The following KLF12 variants were observed in gnomAD, a reference collection of about 807,000 sequenced individuals.
The protein encoded by KLF12 is Krueppel-like factor 12.
A neutral mutation model predicts 37.8 loss-of-function variants in KLF12; 9 were observed. The observed-to-expected ratio is 0.24, with a 90% CI of 0.14 to 0.42. KLF12 has a LOEUF of 0.42. Ranked by LOEUF, KLF12 falls within the 10% of genes least tolerant of loss-of-function variation. KLF12 has a pLI of 1.00. For synonymous variants in KLF12, 208 were observed against 202.1 expected, an observed-to-expected ratio of 1.03 and a Z score of -0.25; for missense variants, 411 against 516.0, an observed-to-expected ratio of 0.80 and a Z score of 1.97.
At chr13:73,885,846 C>T (rs377266695) in intron 3 of KLF12, among the ~76,000 whole-genome samples, 32 of 151,928 alleles carry the variant, frequency 2.1e-4, no homozygotes, top group African/African-American at 7.3e-5. Context: ...GAAGTCTGAG[C>T]GAACAGTTAG....
chr13:73,810,982 C>CCTTTT (rs1555308732), intron 5 of KLF12, among the ~76,000 whole-genome samples: 10 of 44,818 alleles, frequency 2.2e-4, no homozygotes, highest in East Asian at 9.7e-4. Context: ...ATTTTTCTTT[C>CCTTTT]TTTTTTTTTT....
the KLF12 span, among the ~76,000 whole-genome samples, chr13:74,206,760 T>C: frequency 6.6e-6 from 1 of 152,204 alleles, no homozygotes; most frequent in Admixed American, 6.5e-5. Context: ...GAAAACAAAA[T>C]GAAATATAAC....
chr13:73,877,170 A>G (rs1886749610), intron 3 of KLF12, among the ~76,000 whole-genome samples: 1 of 152,210 alleles, frequency 6.6e-6, no homozygotes, highest in African/African-American at 2.4e-5. Flanking sequence ...TTAACAAACT[A>G]TATAAGGACA....
intron 1 of KLF12, among the ~76,000 whole-genome samples, chr13:74,072,447 CA>C (rs1874327330): frequency 7.6e-6 from 1 of 131,190 alleles, no homozygotes; most frequent in Admixed American, 8.4e-5. Flanking sequence ...TTAAAAATAG[CA>C]TACAATCTGC....
At chr13:73,791,533 G>A (rs994329353) in intron 5 of KLF12, among the ~76,000 whole-genome samples, 8 of 152,160 alleles carry the variant, frequency 5.3e-5, no homozygotes, top group African/African-American at 1.9e-4. Flanking sequence ...TTTTAGGCAT[G>A]TGTGAATGGC....
chr13:73,689,228 C>T lies in KLF12; in HGVS notation c.*6262G>A, dbSNP rs1873677224. 6.6e-6 allele frequency: 1 copy of T among 152,054 alleles called. No homozygotes were observed. The highest frequency in any genetic ancestry group is 2.4e-5 in the African/African-American group (1 of 41,396). The allele number at this position is 152,054 out of a possible 1,614,324, so 9.4% of individuals were successfully genotyped here. On this transcript the variant is annotated 3_prime_UTR_variant, in exon 8 of 8. Coordinates refer to ENST00000377669, the MANE Select transcript of KLF12 (RefSeq NM_007249.5). Reference sequence around the variant, plus strand: ...TTGACACTTAATTGGTTATTTTACCCCCTTATCCTGGTACATTTCCGTCTC... The same window carrying T: ...TTGACACTTAATTGGTTATTTTACCTCCTTATCCTGGTACATTTCCGTCTC...
chr13:74,241,237 C>G, the KLF12 span, among the ~76,000 whole-genome samples: 37 of 145,436 alleles, frequency 2.5e-4, no homozygotes, highest in African/African-American at 1.0e-3. Context: ...CTGGGGGGTG[C>G]CTCCCAGTTA....
intron 1 of KLF12, among the ~76,000 whole-genome samples, chr13:74,112,929 G>C (rs1029229554): frequency 5.9e-5 from 9 of 152,132 alleles, no homozygotes; most frequent in African/African-American, 1.9e-4. Flanking sequence ...GAAGAAAATT[G>C]AAAGTGTTAC....
chr13:74,172,996 A>AATG, the KLF12 span, among the ~76,000 whole-genome samples: 1 of 152,248 alleles, frequency 6.6e-6, no homozygotes, highest in Non-Finnish European at 1.5e-5. Context: ...TCATCAGACA[A>AATG]TACCCATTCT....
At chr13:74,134,144 A>C (rs1593928611), upstream of KLF12, among the ~76,000 whole-genome samples, 1 of 138,824 alleles carries the variant, frequency 7.2e-6, no homozygotes, top group Admixed American at 7.0e-5. Context: ...CAGCTCAGGA[A>C]ACCGGAGAGG....
At chr13:73,744,573 G>A (rs1408059443) in intron 6 of KLF12, among the ~76,000 whole-genome samples, 1 of 151,824 alleles carries the variant, frequency 6.6e-6, no homozygotes, top group African/African-American at 2.4e-5. Context: ...TCTAGTAATG[G>A]GGGGTTGTGG....
At chr13:73,773,771 T>C (rs1880415846) in intron 5 of KLF12, among the ~76,000 whole-genome samples, 1 of 152,100 alleles carries the variant, frequency 6.6e-6, no homozygotes, top group Non-Finnish European at 1.5e-5. Context: ...GCCACTCACC[T>C]CTCCAAGCTT....
chr13:74,220,604 G>GA, the KLF12 span, among the ~76,000 whole-genome samples: 1 of 152,146 alleles, frequency 6.6e-6, no homozygotes, highest in Non-Finnish European at 1.5e-5. Flanking sequence ...TCATCAGCAT[G>GA]ATGTACAACA....
the KLF12 span, among the ~76,000 whole-genome samples, chr13:74,265,944 C>T: frequency 7.2e-5 from 11 of 152,306 alleles, no homozygotes; most frequent in Admixed American, 2.6e-4. Flanking sequence ...TCATTTCTAT[C>T]GCAGCTCCAT....
At chr13:73,979,481 CAA>C (rs1891634698) in intron 2 of KLF12, among the ~76,000 whole-genome samples, 1 of 149,110 alleles carries the variant, frequency 6.7e-6, no homozygotes. Flanking sequence ...ATTTAGAAGA[CAA>C]AGAATATGAG....
chr13:73,738,104 TATATATATATATATATATATACAC>T (rs1211871432), intron 6 of KLF12, among the ~76,000 whole-genome samples: 80 of 103,270 alleles, frequency 7.7e-4, no homozygotes, highest in South Asian at 2.3e-3. Flanking sequence ...TATATATATA[TATATATATATATATATATATACAC>T]ACACACACAT....
the KLF12 span, among the ~76,000 whole-genome samples, chr13:74,196,870 A>C: frequency 6.6e-6 from 1 of 152,208 alleles, no homozygotes; most frequent in Non-Finnish European, 1.5e-5. Flanking sequence ...ATTTAAAAAA[A>C]ATTTATGTTT....
intron 6 of KLF12, among the ~76,000 whole-genome samples, chr13:73,761,979 C>T (rs1169033611): frequency 6.6e-6 from 1 of 152,226 alleles, no homozygotes; most frequent in East Asian, 1.9e-4. Context: ...ACTGAGGGGA[C>T]AAACTTTCTG....
At chr13:74,010,995 T>G (rs999544114) in intron 1 of KLF12, among the ~76,000 whole-genome samples, 1 of 152,218 alleles carries the variant, frequency 6.6e-6, no homozygotes, top group African/African-American at 2.4e-5. Context: ...AAAAATTTAA[T>G]CTATTCCAGA....
Sources: gnomAD v4.1 joint callset for allele counts (sites outside exome capture counted in the v4.1 genomes callset) on GRCh38, gnomAD v4.1.1 for gene constraint, MANE v1.5 for transcripts, NCBI Gene and HGNC (gene_info 2026-07-23, HGNC 2026-07-21) for gene names.